The following CORO1C variants were observed in gnomAD, a reference collection of about 807,000 sequenced individuals.
CORO1C encodes coronin-1C.
Under a neutral mutation model 51.2 loss-of-function variants are expected in CORO1C, and 14 were observed. The ratio of observed to expected loss-of-function variants is 0.27; its 90% CI spans 0.18 to 0.43. The LOEUF (loss-of-function observed/expected upper bound fraction) is 0.43. Among genes scored for constraint, CORO1C ranks in the 20% least tolerant of loss-of-function variants. The pLI is 1.00. For missense variants in CORO1C, 417 were observed against 607.8 expected (o/e 0.69, Z 3.30); for synonymous variants, 181 against 210.5 (o/e 0.86, Z 1.21).
At chr12:108,704,399 T>C (rs2034967589) in intron 1 of CORO1C, among the ~76,000 whole-genome samples, 3 of 151,360 alleles carry the variant, frequency 2.0e-5, no homozygotes, top group African/African-American at 7.3e-5. Context: ...TTGAACCTGG[T>C]AGGCGGAGGC....
Position 108,658,976 on chromosome 12 carries a change from T to A in CORO1C, c.449-57A>T. The A allele has an allele frequency of 6.5e-7, 1 of 1,534,524 alleles. No individual in the cohort carries two copies. Among genetic ancestry groups the A allele is most frequent in the Non-Finnish European group, 8.9e-7 (1 of 1,120,880 alleles). ...GATTAGAAACACCTATGTAACACAC[T>A]CAGAAAACTACAGATACAGTGAGAA... On this transcript the variant is annotated intron_variant, in intron 4 of 10. Coordinates refer to ENST00000261401, the MANE Select transcript of CORO1C (RefSeq NM_014325.4). The surrounding 1 kb of genome is among the most constrained non-coding windows in gnomAD (Gnocchi z 4.9).
chr12:108,717,939 C>T (rs768247227), intron 1 of CORO1C, among the ~76,000 whole-genome samples: 79 of 152,080 alleles, frequency 5.2e-4, no homozygotes, highest in Non-Finnish European at 1.5e-4. Flanking sequence ...AAAACTAGGC[C>T]GGGCACAATG....
At chr12:108,654,565 C>T (rs1262876863) in intron 6 of CORO1C, among the ~76,000 whole-genome samples, 155 bp from the exon 7 acceptor site, 2 of 152,132 alleles carry the variant, frequency 1.3e-5, no homozygotes, top group Non-Finnish European at 2.9e-5. Flanking sequence ...AATACTCATA[C>T]ATGGAAACAG....
In CORO1C at chr12:108,648,644, C is replaced by T. The variant is rs746564481; in HGVS notation, c.1266G>A (p.Leu422=). The change falls in exon 10 of 11, where the codon CTG becomes CTA. Residue 422 remains leucine (L), a synonymous_variant. Coordinates refer to ENST00000261401, the MANE Select transcript of CORO1C (RefSeq NM_014325.4). ...CTGTGGTTTTCTTGGGGATGCTGAT[C>T]AGGTCGCACTTCTTGTTTGCAGTGG... ...SKPTANKKCD[L]ISIPKKTTDT... 1.9e-6 allele frequency: 3 copies of T among 1,614,210 alleles called. No homozygotes were observed. The South Asian group carries it at 3.3e-5, about 18-fold the overall frequency.
intron 2 of CORO1C, among the ~76,000 whole-genome samples, chr12:108,680,760 G>A (rs1185596855): frequency 6.6e-6 from 1 of 152,066 alleles, no homozygotes; most frequent in Non-Finnish European, 1.5e-5. Context: ...CATTTCTGAT[G>A]GTGTCTCTCC....
At chr12:108,687,522 C>T (rs183366040) in intron 2 of CORO1C, among the ~76,000 whole-genome samples, 4 of 151,710 alleles carry the variant, frequency 2.6e-5, no homozygotes, top group South Asian at 2.1e-4. Flanking sequence ...CAGTGGCTCA[C>T]GCCTGTAATC....
intron 1 of CORO1C, among the ~76,000 whole-genome samples, chr12:108,728,130 G>C (rs1592960023): frequency 1.3e-5 from 2 of 152,246 alleles, no homozygotes; most frequent in East Asian, 3.9e-4. Flanking sequence ...AGCTGCTTTG[G>C]AGAAGTCTGG....
intron 1 of CORO1C, chr12:108,702,875 G>A (rs1357859872): frequency 2.0e-6 from 3 of 1,535,932 alleles, no homozygotes; most frequent in Non-Finnish European, 2.6e-6. Flanking sequence ...ACCCTTGGCA[G>A]GCAATTGAGC....
intron 3 of CORO1C, among the ~76,000 whole-genome samples, chr12:108,662,798 A>G (rs998435722): frequency 6.6e-6 from 1 of 152,154 alleles, no homozygotes; most frequent in Non-Finnish European, 1.5e-5. Flanking sequence ...TGTATTATAG[A>G]AAATATTACA....
rs1395252059 is a variant in CORO1C, at chr12:108,694,864, T to G, written c.195+6260A>C. Reference sequence around the variant, plus strand: ...GAAAGCCTTTTAAGTCACTCTGAATTACTCATATATGAATTGTGTGAACTA... The same window carrying G: ...GAAAGCCTTTTAAGTCACTCTGAATGACTCATATATGAATTGTGTGAACTA... On this transcript the variant is annotated intron_variant, in intron 2 of 10. Transcript: ENST00000261401. Among the ~76,000 whole-genome samples, 3 of 152,248 alleles carry G rather than the reference T, an allele frequency of 2.0e-5. No individual in the cohort carries two copies. The South Asian group carries it at 6.2e-4, about 31-fold the overall frequency.
intron 2 of CORO1C, among the ~76,000 whole-genome samples, chr12:108,689,002 G>C (rs1196858896): frequency 6.9e-6 from 1 of 145,698 alleles, no homozygotes; most frequent in East Asian, 2.1e-4. Context: ...CTACACTCCA[G>C]CCTGGGCGAC....
chr12:108,666,027 G>A (rs749935441), intron 3 of CORO1C, among the ~76,000 whole-genome samples: 7 of 152,214 alleles, frequency 4.6e-5, no homozygotes, highest in Non-Finnish European at 1.0e-4. Flanking sequence ...GGCATAAGCC[G>A]ACCGCACTAC....
chr12:108,702,924 C>G, intron 1 of CORO1C: 1 of 1,535,282 alleles, frequency 6.5e-7, no homozygotes, highest in South Asian at 1.2e-5. Context: ...GCCAGACTTT[C>G]CCAGCTGACT....
At chr12:108,663,909 TTGGGGACATGCC>T (rs987344475) in intron 3 of CORO1C, among the ~76,000 whole-genome samples, 13 of 152,276 alleles carry the variant, frequency 8.5e-5, no homozygotes, top group Admixed American at 6.5e-4. Flanking sequence ...CACATCTTAA[TTGGGGACATGCC>T]TGGGCACAGG....
intron 8 of CORO1C, chr12:108,649,466 T>C: frequency 5.6e-6 from 1 of 180,072 alleles, no homozygotes; most frequent in South Asian, 1.2e-4. Flanking sequence ...AGTATAAATA[T>C]GACTTTTAGA....
At chr12:108,657,833 G>A (rs1410260564) in intron 5 of CORO1C, among the ~76,000 whole-genome samples, 1 of 152,192 alleles carries the variant, frequency 6.6e-6, no homozygotes, top group East Asian at 1.9e-4. Context: ...TCTAGTTAAC[G>A]CTTTCCTTGA....
At chr12:108,669,194 A>G (rs915386522) in intron 3 of CORO1C, among the ~76,000 whole-genome samples, 1 of 152,242 alleles carries the variant, frequency 6.6e-6, no homozygotes, top group African/African-American at 2.4e-5. Context: ...CACTAAATCA[A>G]TGCCCACAAA....
rs111861989 is a variant in CORO1C at position 108,706,601 on chromosome 12, A to T, written c.-5-5278T>A. Among the ~76,000 whole-genome samples, 44 of 149,010 alleles carry T rather than the reference A, an allele frequency of 3.0e-4. 1 individual carries two copies. The highest frequency in any genetic ancestry group is 8.8e-4 in the African/African-American group (36 of 40,796). On this transcript the variant is annotated intron_variant, in intron 1 of 10. Transcript: ENST00000261401. ...GATACAAGATTAATATATAAAAATC[A>T]TTTTTTTTTTTAAGATGGAGTCTTG...
chr12:108,666,961 C>T (rs2033504969), intron 3 of CORO1C, among the ~76,000 whole-genome samples: 1 of 152,090 alleles, frequency 6.6e-6, no homozygotes, highest in Admixed American at 6.6e-5. Flanking sequence ...CTTAACAAAA[C>T]TGCCACTCTC....
Sources: allele counts gnomAD v4.1 joint callset (sites outside exome capture counted in the v4.1 genomes callset), GRCh38; gene constraint gnomAD v4.1.1; non-coding constraint Gnocchi (gnomAD v3.1); transcripts MANE v1.5; gene names NCBI Gene and HGNC (gene_info 2026-07-23, HGNC 2026-07-21).